Variants in SEC61A2 observed in about 807,000 individuals in gnomAD.
SEC61A2 encodes the protein SEC61 translocon subunit alpha 2.
In SEC61A2, 28 loss-of-function variants were observed where a neutral mutation model predicts 59.9. That is an observed-to-expected ratio of 0.47 (90% CI 0.35 to 0.64). The LOEUF (loss-of-function observed/expected upper bound fraction) is 0.64, where lower values mean the gene tolerates loss of function less well. Ranked by LOEUF, SEC61A2 falls within the 30% of genes least tolerant of loss-of-function variation. The probability of loss-of-function intolerance (pLI) is 0.01; values close to 1 mark genes in which losing one functional copy is unlikely to be tolerated. For synonymous variants in SEC61A2, 202 were observed against 214.4 expected, an observed-to-expected ratio of 0.94 and a Z score of 0.50; for missense variants, 340 against 585.9, an observed-to-expected ratio of 0.58 and a Z score of 4.33.
chr10:12,164,980 CT>C lies in SEC61A2; in HGVS notation c.*528del. On this transcript the variant is annotated 3_prime_UTR_variant, in exon 12 of 12. Coordinates refer to ENST00000298428, the MANE Select transcript of SEC61A2 (RefSeq NM_018144.4). The surrounding 1 kb of genome is among the most constrained non-coding windows in gnomAD (Gnocchi z 7.3). ...TATTTGTCCCTTCTCAAAGCAGCCA[CT>C]TAGCCCACATGGGCGAAATCAAGTC... 2 of 984,642 alleles carry C rather than the reference CT, an allele frequency of 2.0e-6. No homozygotes were observed. The highest frequency in any genetic ancestry group is 2.4e-6 in the Non-Finnish European group (2 of 829,816). 61.0% of individuals were successfully genotyped at this position (984,642 alleles called of 1,614,324 possible).
rs533511810 is a variant in SEC61A2 at position 12,153,160 on chromosome 10, G to A, written c.463-2618G>A. ...GCCCTTGGGAATTAGGGAAAGAGGCGCATTGGATGGGGAGAGATGATATTC... is the reference window on the plus strand; with the variant it reads ...GCCCTTGGGAATTAGGGAAAGAGGCACATTGGATGGGGAGAGATGATATTC... On this transcript the variant is annotated intron_variant, in intron 6 of 11. Transcript: ENST00000298428. This position sits in a 1 kb window ranked among gnomAD's most constrained non-coding sequence, Gnocchi z 5.2. Among the ~76,000 whole-genome samples, 15 of 151,044 alleles carry A rather than the reference G, an allele frequency of 9.9e-5. No individual in the cohort carries two copies. In the South Asian group the frequency reaches 2.3e-3, roughly 23 times the overall value.
Position 12,152,140 on chromosome 10 carries a change from G to A in SEC61A2, c.462+2179G>A, listed in dbSNP as rs1424581448. On this transcript the variant is annotated intron_variant, in intron 6 of 11. Coordinates refer to ENST00000298428, the MANE Select transcript of SEC61A2 (RefSeq NM_018144.4). This position sits in a 1 kb window ranked among gnomAD's most constrained non-coding sequence, Gnocchi z 5.5. Reference sequence around the variant, plus strand: ...GCTCTGTCTCCCAGACTAAAGTGCAGTGGTGCAATCTTGGCTCACTGCAAC... The same window carrying A: ...GCTCTGTCTCCCAGACTAAAGTGCAATGGTGCAATCTTGGCTCACTGCAAC... 2.0e-5 allele frequency among the ~76,000 whole-genome samples: 3 copies of A among 150,402 alleles called. No homozygotes were observed. The highest frequency in any genetic ancestry group is 7.4e-5 in the African/African-American group (3 of 40,668).
chr10:12,166,115 T>C (rs781682171), downstream of SEC61A2: 8 of 152,272 alleles, frequency 5.3e-5, no homozygotes, highest in Non-Finnish European at 8.8e-5. Context: ...GATTTGGCTC[T>C]GACTTCTAAG....
intron 11 of SEC61A2, among the ~76,000 whole-genome samples, chr10:12,163,070 T>C (rs1280722189): frequency 6.6e-6 from 1 of 152,250 alleles, no homozygotes; most frequent in East Asian, 1.9e-4. Context: ...ACAAATTTTG[T>C]GCTGCTCAGC....
chr10:12,149,833 T>C lies in SEC61A2; in HGVS notation c.353-19T>C, dbSNP rs758947006. On this transcript the variant is annotated intron_variant, in intron 5 of 11. Transcript: ENST00000298428. The surrounding 1 kb of genome is among the most constrained non-coding windows in gnomAD (Gnocchi z 5.2). Reference sequence around the variant, plus strand: ...CTTTGGTGGTAAGCGTGCTCTCCTTTCCCCCCAACTTTCATCAGTGTTTGG... The same window carrying C: ...CTTTGGTGGTAAGCGTGCTCTCCTTCCCCCCCAACTTTCATCAGTGTTTGG... 6.2e-7 allele frequency: 1 copy of C among 1,611,514 alleles called. No homozygotes were observed. Among genetic ancestry groups the C allele is most frequent in the Non-Finnish European group, 8.5e-7 (1 of 1,178,024 alleles).
rs775364715 is a variant in SEC61A2 at position 12,161,131 on chromosome 10, T to C, written c.1167+10T>C. 1.1e-5 allele frequency: 18 copies of C among 1,589,872 alleles called. No individual in the cohort carries two copies. The South Asian group carries it at 1.9e-4, about 17-fold the overall frequency. ...TTCCTCAGCCAAAGATGTAAGTGTT[T>C]GGTTTATTTTAAAATAAAACTCTTG... On this transcript the variant is annotated intron_variant, in intron 10 of 11. Coordinates refer to ENST00000298428, the MANE Select transcript of SEC61A2 (RefSeq NM_018144.4). The surrounding 1 kb of genome is among the most constrained non-coding windows in gnomAD (Gnocchi z 5.4).
chr10:12,135,918 TGAGA>T (rs1483187697), intron 2 of SEC61A2, among the ~76,000 whole-genome samples, 183 bp from the exon 3 acceptor site: 1 of 152,184 alleles, frequency 6.6e-6, no homozygotes. Flanking sequence ...TGTATATGTA[TGAGA>T]GAGAAAAAAA....
chr10:12,155,719 C>T lies in SEC61A2; in HGVS notation c.463-59C>T. On this transcript the variant is annotated intron_variant, in intron 6 of 11. Coordinates refer to ENST00000298428, the MANE Select transcript of SEC61A2 (RefSeq NM_018144.4). This position sits in a 1 kb window ranked among gnomAD's most constrained non-coding sequence, Gnocchi z 4.3. ...AGCTTGGAAATAGCCAATGGTGTTCCTCTCCCCCTTTCTTGAGTTTGTTCT... is the reference window on the plus strand; with the variant it reads ...AGCTTGGAAATAGCCAATGGTGTTCTTCTCCCCCTTTCTTGAGTTTGTTCT... The T allele has an allele frequency of 6.3e-7, 1 of 1,597,580 alleles. No homozygotes were observed. The highest frequency in any genetic ancestry group is 8.6e-7 in the Non-Finnish European group (1 of 1,165,906).
Position 12,162,421 on chromosome 10 carries a change from CACAAA to C in SEC61A2, c.1244+135_1244+139del. ...TTCACACAGATGAATCAAAATTTCA[CACAAA>C]ACTTGTTTTCCATGTCAAAACCAAC... On this transcript the variant is annotated intron_variant, in intron 11 of 11. Coordinates refer to ENST00000298428, the MANE Select transcript of SEC61A2 (RefSeq NM_018144.4). This position sits in a 1 kb window ranked among gnomAD's most constrained non-coding sequence, Gnocchi z 6.1. The C allele has an allele frequency of 1.1e-6, 1 of 871,588 alleles. No individual in the cohort carries two copies. Among genetic ancestry groups the C allele is most frequent in the East Asian group, 2.4e-5 (1 of 41,410 alleles). The allele number at this position is 871,588 out of a possible 1,614,324, so 54.0% of individuals were successfully genotyped here. A position where few individuals can be genotyped will look rare whatever the true frequency, so the allele number is the denominator to read the frequency against.
intron 2 of SEC61A2, 43 bp from the exon 3 acceptor site, chr10:12,136,062 T>G: frequency 7.2e-7 from 1 of 1,394,346 alleles, no homozygotes; most frequent in Non-Finnish European, 1.0e-6. Context: ...AAATTTGCTG[T>G]TTCTTGGTTT....
chr10:12,163,225 C>T (rs746378788), intron 11 of SEC61A2, among the ~76,000 whole-genome samples: 34 of 151,906 alleles, frequency 2.2e-4, no homozygotes, highest in Non-Finnish European at 3.2e-4. Flanking sequence ...CACAGCTCAC[C>T]GCAGCCTCTT....
intron 6 of SEC61A2, among the ~76,000 whole-genome samples, chr10:12,150,801 G>A (rs1302526411): frequency 6.7e-6 from 1 of 148,540 alleles, no homozygotes; most frequent in East Asian, 2.0e-4. Flanking sequence ...TTGAGACGGA[G>A]TCTCACTCTG....
At chr10:12,157,171 G>A in intron 8 of SEC61A2, 104 bp downstream of exon 8, 1 of 1,150,954 alleles carries the variant, frequency 8.7e-7, no homozygotes, top group Non-Finnish European at 1.2e-6. Flanking sequence ...CAGGGTTTAA[G>A]ATCAAGGGAA....
rs1834534679 is a variant in SEC61A2, at chr10:12,161,794, C to T, written c.1168-419C>T. On this transcript the variant is annotated intron_variant, in intron 10 of 11. Transcript: ENST00000298428. This position sits in a 1 kb window ranked among gnomAD's most constrained non-coding sequence, Gnocchi z 5.4. Reference sequence around the variant, plus strand: ...AAATTTTTAAAAAAGTAAAATAAAACTTTGTTTTTGGAAAATTCATATTTA... The same window carrying T: ...AAATTTTTAAAAAAGTAAAATAAAATTTTGTTTTTGGAAAATTCATATTTA... Among the ~76,000 whole-genome samples the T allele has an allele frequency of 1.3e-5, 2 of 151,978 alleles. No individual in the cohort carries two copies. The highest frequency in any genetic ancestry group is 4.8e-5 in the African/African-American group (2 of 41,388).
At position 12,145,263 on chromosome 10, in the gene SEC61A2, A is replaced by G. The variant is rs1408702416; in HGVS notation, c.220+2068A>G. On this transcript the variant is annotated intron_variant, in intron 4 of 11. Coordinates refer to ENST00000298428, the MANE Select transcript of SEC61A2 (RefSeq NM_018144.4). This position sits in a 1 kb window ranked among gnomAD's most constrained non-coding sequence, Gnocchi z 4.4. ...ATTACGTTTTTTTCCCCCCGATTTT[A>G]TATCATTATAAAGAATGCTACAATG... Among the ~76,000 whole-genome samples, 3 of 152,122 alleles carry G rather than the reference A, an allele frequency of 2.0e-5. No individual in the cohort carries two copies. The highest frequency in any genetic ancestry group is 4.4e-5 in the Non-Finnish European group (3 of 68,014).
At chr10:12,139,471 G>GT (rs1478618811) in intron 3 of SEC61A2, among the ~76,000 whole-genome samples, 2 of 151,010 alleles carry the variant, frequency 1.3e-5, no homozygotes, top group African/African-American at 4.8e-5. Flanking sequence ...CCAACATGGA[G>GT]AAACCCCGTC....
rs1472120704 is a variant in SEC61A2 at position 12,152,702 on chromosome 10, G to C, written c.462+2741G>C. Among the ~76,000 whole-genome samples the C allele has an allele frequency of 1.3e-5, 2 of 151,974 alleles. No individual in the cohort carries two copies. Among genetic ancestry groups the C allele is most frequent in the African/African-American group, 4.8e-5 (2 of 41,388 alleles). On this transcript the variant is annotated intron_variant, in intron 6 of 11. Transcript: ENST00000298428. This position sits in a 1 kb window ranked among gnomAD's most constrained non-coding sequence, Gnocchi z 5.5. ...GAGGTCAGGAGATCGAGACCATCCTGGCCAACATGGTGAAACGCTGTCTCT... is the reference window on the plus strand; with the variant it reads ...GAGGTCAGGAGATCGAGACCATCCTCGCCAACATGGTGAAACGCTGTCTCT...
downstream of SEC61A2, chr10:12,167,658 C>A (rs1834736672): frequency 6.4e-7 from 1 of 1,567,650 alleles, no homozygotes; most frequent in Non-Finnish European, 8.8e-7. Flanking sequence ...GTGAAGAAGG[C>A]CTGGTGGTCT....
chr10:12,164,535 C>T lies in SEC61A2; in HGVS notation c.*81C>T. ...TTTTGTCAGATGACACTGGTGGCTCCCCTTTTCTCCCCTCACAGTTTCTTG... is the reference window on the plus strand; with the variant it reads ...TTTTGTCAGATGACACTGGTGGCTCTCCTTTTCTCCCCTCACAGTTTCTTG... On this transcript the variant is annotated 3_prime_UTR_variant, in exon 12 of 12. Transcript: ENST00000298428. The surrounding 1 kb of genome is among the most constrained non-coding windows in gnomAD (Gnocchi z 7.3). 1.3e-6 allele frequency: 2 copies of T among 1,528,588 alleles called. No homozygotes were observed. The highest frequency in any genetic ancestry group is 1.8e-6 in the Non-Finnish European group (2 of 1,142,124). The allele number at this position is 1,528,588 out of a possible 1,614,324, so 94.7% of individuals were successfully genotyped here.
Sources: gnomAD v4.1 joint callset for allele counts (sites outside exome capture counted in the v4.1 genomes callset) on GRCh38, gnomAD v4.1.1 for gene constraint, Gnocchi (gnomAD v3.1) non-coding constraint, MANE v1.5 for transcripts, NCBI Gene and HGNC (gene_info 2026-07-23, HGNC 2026-07-21) for gene names.